The following CD47 variants were observed in gnomAD, a reference collection of about 807,000 sequenced individuals.
The protein encoded by CD47 is leukocyte surface antigen CD47.
In CD47, 11 loss-of-function variants were observed where a neutral mutation model predicts 44.6. The ratio of observed to expected loss-of-function variants is 0.25; its 90% CI spans 0.16 to 0.41. CD47 has a LOEUF of 0.41. CD47 is among the 10% of genes least tolerant of loss of function. CD47 has a pLI of 1.00. For synonymous variants in CD47, 140 were observed against 136.3 expected (o/e 1.03, Z -0.19); for missense variants, 306 against 386.7 (o/e 0.79, Z 1.75).
chr3:108,080,229 T>C lies in CD47; in HGVS notation c.162A>G (p.Val54=), dbSNP rs1477233623. ...TTCCTTTAAATTTCCACTTTACGTA[T>C]ACTTCAGTAGTGTTTTGTGCCTCCA... is the stretch of plus-strand genomic sequence containing the variant. ...TNMEAQNTTE[V]YVKWKFKGRD... is the part of the protein sequence containing the mutation. The change falls in exon 2 of 11, where the codon GTA becomes GTG. Residue 54 remains valine (V), a synonymous_variant. Transcript: ENST00000361309. 1 of 1,612,056 alleles carries C rather than the reference T, an allele frequency of 6.2e-7. No homozygotes were observed. The highest frequency in any genetic ancestry group is 2.2e-5 in the East Asian group (1 of 44,858).
Position 108,044,448 on chromosome 3 carries a change from CAAAAAAAAA to C in CD47, c.*2831_*2839del. 1 of 60,248 alleles carries C rather than the reference CAAAAAAAAA, an allele frequency of 1.7e-5. No individual in the cohort carries two copies. Among genetic ancestry groups the C allele is most frequent in the East Asian group, 3.9e-4 (1 of 2,596 alleles). The allele number at this position is 60,248 out of a possible 1,614,324, so 3.7% of individuals were successfully genotyped here. A position where few individuals can be genotyped will look rare whatever the true frequency, so the allele number is the denominator to read the frequency against. Reference sequence around the variant, plus strand: ...AAAAAAAAAAAAAAAAAAAAAAAAACAAAAAAAAAAAACAGAAAGAAAGAAAACTCTCAA... The same window carrying C: ...AAAAAAAAAAAAAAAAAAAAAAAAACAAACAGAAAGAAAGAAAACTCTCAA... On this transcript the variant is annotated 3_prime_UTR_variant, in exon 11 of 11. Coordinates refer to ENST00000361309, the MANE Select transcript of CD47 (RefSeq NM_001777.4).
At chr3:108,074,977 T>C (rs1328963741) in intron 2 of CD47, among the ~76,000 whole-genome samples, 1 of 152,248 alleles carries the variant, frequency 6.6e-6, no homozygotes, top group Non-Finnish European at 1.5e-5. Flanking sequence ...TACTGTCAGA[T>C]GACGTTAACT....
chr3:108,049,549 A>C (rs991317422), intron 10 of CD47, 70 bp downstream of exon 10: 13 of 961,390 alleles, frequency 1.4e-5, no homozygotes, highest in Non-Finnish European at 2.2e-5. Context: ...CACATTTTCA[A>C]GAAGCTTTTT....
intron 7 of CD47, among the ~76,000 whole-genome samples, chr3:108,056,748 T>C (rs1383975051): frequency 1.3e-5 from 2 of 152,296 alleles, no homozygotes; most frequent in Non-Finnish European, 2.9e-5. Flanking sequence ...TATCTCTCTG[T>C]GTACATATAT....
At chr3:108,063,346 C>G (rs1025086904) in intron 3 of CD47, among the ~76,000 whole-genome samples, 1 of 152,150 alleles carries the variant, frequency 6.6e-6, no homozygotes, top group Non-Finnish European at 1.5e-5. Flanking sequence ...TCTGTGGGGT[C>G]TACTAATGAA....
chr3:108,057,485 T>G lies in CD47; in HGVS notation c.869A>C (p.Lys290Thr), dbSNP rs746911136. The G allele has an allele frequency of 2.0e-6, 3 of 1,478,506 alleles. No individual in the cohort carries two copies. The highest frequency in any genetic ancestry group is 2.8e-6 in the Non-Finnish European group (3 of 1,058,914). 91.6% of individuals were successfully genotyped at this position (1,478,506 alleles called of 1,614,324 possible). Residue 290 changes from lysine to threonine, a missense_variant, in exon 7 of 11, where the codon AAA (lysine) becomes ACA (threonine). This residue lies in a region of CD47 where 131 missense variants were observed against 135.3 expected (regional missense o/e 0.97). Transcript: ENST00000361309. ...LAQLLGLVYM[K>T]FVASNQKTIQ... ...AAATAAGATTGACTTACCCACAAAT[T>G]TCATATAAACTAGTCCAAGTAATTG... is the stretch of plus-strand genomic sequence containing the variant.
Position 108,058,256 on chromosome 3 carries a change from A to G in CD47, c.784+81T>C. ...AAAATCAAGTCTATATATTTTTAAA[A>G]AGAGAGAAAGAAAAAGAAAAAGGAA... On this transcript the variant is annotated intron_variant, in intron 6 of 10. Transcript: ENST00000361309. The G allele has an allele frequency of 3.7e-6, 3 of 815,192 alleles. No homozygotes were observed. The East Asian group carries it at 9.3e-5, about 25-fold the overall frequency. The allele number at this position is 815,192 out of a possible 1,614,324, so 50.5% of individuals were successfully genotyped here.
chr3:108,060,281 G>A (rs1336020832), intron 4 of CD47, among the ~76,000 whole-genome samples: 1 of 152,188 alleles, frequency 6.6e-6, no homozygotes, highest in Non-Finnish European at 1.5e-5. Flanking sequence ...CAAAAGATAT[G>A]ATGAAGTTAA....
At chr3:108,088,780 G>A (rs553722109) in intron 1 of CD47, among the ~76,000 whole-genome samples, 1 of 152,182 alleles carries the variant, frequency 6.6e-6, no homozygotes. Flanking sequence ...GTACATGAGT[G>A]GGGGCAGAGT....
At chr3:108,086,268 T>C (rs1193370308) in intron 1 of CD47, among the ~76,000 whole-genome samples, 1 of 151,108 alleles carries the variant, frequency 6.6e-6, no homozygotes, top group African/African-American at 2.4e-5. Flanking sequence ...AAAAAAAACA[T>C]TGACAGCAGT....
intron 7 of CD47, among the ~76,000 whole-genome samples, 198 bp downstream of exon 7, chr3:108,057,278 AT>A: frequency 6.6e-6 from 1 of 152,076 alleles, no homozygotes; most frequent in Non-Finnish European, 1.5e-5. Context: ...TTCCAATTGT[AT>A]TTTCTGACTT....
chr3:108,058,872 C>A (rs1174715163), intron 5 of CD47, among the ~76,000 whole-genome samples: 1 of 152,128 alleles, frequency 6.6e-6, no homozygotes, highest in East Asian at 1.9e-4. Flanking sequence ...GTACAACGAG[C>A]CAGAGATAGG....
At chr3:108,055,611 T>C (rs1428500663) in intron 7 of CD47, 1 of 1,114,184 alleles carries the variant, frequency 9.0e-7, no homozygotes, top group Non-Finnish European at 1.2e-6. Flanking sequence ...TAGGATACTA[T>C]CAATAAAATT....
chr3:108,062,819 C>CTTT, intron 3 of CD47, among the ~76,000 whole-genome samples: 1 of 131,800 alleles, frequency 7.6e-6, no homozygotes, highest in East Asian at 2.2e-4. Flanking sequence ...TTTTTGAATT[C>CTTT]TTTTTTTTTT....
Position 108,043,595 on chromosome 3 carries a change from T to C in CD47, c.*3693A>G, listed in dbSNP as rs914373875. 1 of 152,634 alleles carries C rather than the reference T, an allele frequency of 6.6e-6. No homozygotes were observed. Among genetic ancestry groups the C allele is most frequent in the Non-Finnish European group, 1.5e-5 (1 of 68,036 alleles). The allele number at this position is 152,634 out of a possible 1,614,324, so 9.5% of individuals were successfully genotyped here. A position where few individuals can be genotyped will look rare whatever the true frequency, so the allele number is the denominator to read the frequency against. On this transcript the variant is annotated 3_prime_UTR_variant, in exon 11 of 11. Transcript: ENST00000361309. Reference sequence around the variant, plus strand: ...TGCACATAGCAACACTGGAGTTCTCTTTATTTAGAATGGTTAATAGATATT... The same window carrying C: ...TGCACATAGCAACACTGGAGTTCTCCTTATTTAGAATGGTTAATAGATATT...
At chr3:108,055,003 T>C (rs1363198561) in intron 7 of CD47, among the ~76,000 whole-genome samples, 1 of 152,194 alleles carries the variant, frequency 6.6e-6, no homozygotes, top group Non-Finnish European at 1.5e-5. Context: ...ATCTTTTCTA[T>C]GCTTTCACAT....
chr3:108,074,724 C>T (rs1311064544), intron 2 of CD47, among the ~76,000 whole-genome samples: 2 of 138,894 alleles, frequency 1.4e-5, no homozygotes, highest in African/African-American at 5.4e-5. Context: ...GGGGGGGGGG[C>T]ACACAATGGA....
rs2078666890 is a variant in CD47, at chr3:108,043,722, A to G, written c.*3566T>C. ...TTCTCTCACCAGTCATGATAACAACACTTTTAAGATTTAAGATGTTGTCTT... is the reference window on the plus strand; with the variant it reads ...TTCTCTCACCAGTCATGATAACAACGCTTTTAAGATTTAAGATGTTGTCTT... On this transcript the variant is annotated 3_prime_UTR_variant, in exon 11 of 11. Transcript: ENST00000361309. 6.6e-6 allele frequency: 1 copy of G among 152,668 alleles called. No homozygotes were observed. The allele number at this position is 152,668 out of a possible 1,614,324, so 9.5% of individuals were successfully genotyped here.
rs1006790296 is a variant in CD47 at position 108,043,434 on chromosome 3, A to C, written c.*3854T>G. ...CTTTAAACAGTGATAAATTGATTTA[A>C]TACATATAAAAAAAAAAACCTTTAA... On this transcript the variant is annotated 3_prime_UTR_variant, in exon 11 of 11. Transcript: ENST00000361309. 2 of 152,424 alleles carry C rather than the reference A, an allele frequency of 1.3e-5. No homozygotes were observed. Among genetic ancestry groups the C allele is most frequent in the Non-Finnish European group, 2.9e-5 (2 of 68,004 alleles). The allele number at this position is 152,424 out of a possible 1,614,324, so 9.4% of individuals were successfully genotyped here. A position where few individuals can be genotyped will look rare whatever the true frequency, so the allele number is the denominator to read the frequency against.
Sources: allele counts gnomAD v4.1 joint callset (sites outside exome capture counted in the v4.1 genomes callset), GRCh38; gene constraint gnomAD v4.1.1; regional missense constraint gnomAD v4.1.1; transcripts MANE v1.5; gene names NCBI Gene and HGNC (gene_info 2026-07-23, HGNC 2026-07-21).